Variants in KCNQ5 observed in about 807,000 individuals in gnomAD.
KCNQ5 encodes potassium voltage-gated channel subfamily KQT member 5.
Under a neutral mutation model 98.2 loss-of-function variants are expected in KCNQ5, and 30 were observed. That is an observed-to-expected ratio of 0.31 (90% CI 0.23 to 0.41). The LOEUF (loss-of-function observed/expected upper bound fraction) is 0.41. KCNQ5 is among the 10% of genes least tolerant of loss of function. KCNQ5 has a pLI of 1.00. For synonymous variants in KCNQ5, 458 were observed against 449.4 expected (o/e 1.02, Z -0.24); for missense variants, 835 against 1,182.5 (o/e 0.71, Z 4.31).
chr6:73,160,406 A>T (rs1023740088), intron 10 of KCNQ5, among the ~76,000 whole-genome samples: 4 of 152,156 alleles, frequency 2.6e-5, no homozygotes, highest in African/African-American at 9.7e-5. Flanking sequence ...TCTTTAAAAG[A>T]GAAAGAGGGC....
At chr6:72,737,379 A>G (rs1329489220) in intron 1 of KCNQ5, among the ~76,000 whole-genome samples, 2 of 152,246 alleles carry the variant, frequency 1.3e-5, no homozygotes, top group Non-Finnish European at 2.9e-5. Context: ...ATGTCTAATC[A>G]GCAATCAAAC....
chr6:72,746,007 G>A (rs1771378147), intron 1 of KCNQ5, among the ~76,000 whole-genome samples: 2 of 129,756 alleles, frequency 1.5e-5, no homozygotes, highest in African/African-American at 5.9e-5. Flanking sequence ...TTGAAATTAG[G>A]GTCCACTGTA....
chr6:72,781,930 G>T (rs183118057), intron 1 of KCNQ5, among the ~76,000 whole-genome samples: 158 of 152,256 alleles, frequency 1.0e-3, no homozygotes, highest in Non-Finnish European at 1.6e-3. Flanking sequence ...AAACCCCTGA[G>T]TTTTGACAAC....
intron 1 of KCNQ5, among the ~76,000 whole-genome samples, chr6:72,867,111 T>C (rs1403676069): frequency 1.3e-5 from 2 of 152,224 alleles, no homozygotes; most frequent in Admixed American, 6.5e-5. Flanking sequence ...TGAAGGAAGA[T>C]AGTTTGAAAT....
At chr6:72,685,076 C>T (rs540285607) in intron 1 of KCNQ5, among the ~76,000 whole-genome samples, 1 of 152,112 alleles carries the variant, frequency 6.6e-6, no homozygotes, top group Admixed American at 6.5e-5. Flanking sequence ...GAAAAGGGCC[C>T]TTAAAATGAG....
intron 1 of KCNQ5, among the ~76,000 whole-genome samples, chr6:72,839,957 C>T (rs1178141210): frequency 3.3e-5 from 5 of 152,146 alleles, no homozygotes. Context: ...AAATTTATTT[C>T]TCCTGTCTAA....
At chr6:72,961,785 G>A (rs1767369879) in intron 1 of KCNQ5, among the ~76,000 whole-genome samples, 3 of 152,122 alleles carry the variant, frequency 2.0e-5, no homozygotes, top group Non-Finnish European at 2.9e-5. Context: ...AATTGTGCAT[G>A]TGGAGAAAAG....
chr6:72,878,400 G>A (rs1265186340), intron 1 of KCNQ5, among the ~76,000 whole-genome samples: 2 of 150,934 alleles, frequency 1.3e-5, no homozygotes, highest in East Asian at 3.9e-4. Context: ...TTGGTACTCT[G>A]ATTGTCACAA....
intron 1 of KCNQ5, among the ~76,000 whole-genome samples, chr6:72,854,758 T>TGTGTGTGTGTGTGTGTG (rs1777451483): frequency 1.6e-5 from 2 of 127,108 alleles, no homozygotes; most frequent in African/African-American, 6.0e-5. Context: ...ACACCATGGT[T>TGTGTGTGTGTGTGTGTG]TGTGTGTGTG....
intron 1 of KCNQ5, among the ~76,000 whole-genome samples, chr6:73,001,192 C>T (rs775481413): frequency 1.3e-5 from 2 of 152,108 alleles, no homozygotes; most frequent in Non-Finnish European, 2.9e-5. Context: ...TAAATAGAAT[C>T]CCTCCCCACT....
chr6:72,700,006 T>A (rs1768712991), intron 1 of KCNQ5, among the ~76,000 whole-genome samples: 1 of 152,186 alleles, frequency 6.6e-6, no homozygotes, highest in East Asian at 1.9e-4. Flanking sequence ...TTCAAAGGCT[T>A]GTTTGAGGAT....
At chr6:72,944,331 T>C (rs1448672131) in intron 1 of KCNQ5, among the ~76,000 whole-genome samples, 2 of 152,234 alleles carry the variant, frequency 1.3e-5, no homozygotes, top group Non-Finnish European at 1.5e-5. Context: ...TCACACATTT[T>C]TTGTTTCTAA....
intron 5 of KCNQ5, among the ~76,000 whole-genome samples, chr6:73,083,976 T>C (rs1014706991): frequency 3.3e-5 from 5 of 152,198 alleles, no homozygotes; most frequent in African/African-American, 1.2e-4. Context: ...AATATATTAG[T>C]ACAAAAAGAA....
Position 72,777,544 on chromosome 6 carries a change from C to T in KCNQ5, c.398+154957C>T, listed in dbSNP as rs529504847. On this transcript the variant is annotated intron_variant, in intron 1 of 13. Transcript: ENST00000370398. ...CCCCGAGCTACGTTTACACATTTTT[C>T]CACCTCCACCCTAGGAAGCAGCTCT... Among the ~76,000 whole-genome samples, 4 of 152,252 alleles carry T rather than the reference C, an allele frequency of 2.6e-5. No individual in the cohort carries two copies. The South Asian group carries it at 8.3e-4, about 32-fold the overall frequency.
At chr6:72,855,879 T>A (rs1301145790) in intron 1 of KCNQ5, among the ~76,000 whole-genome samples, 1 of 152,194 alleles carries the variant, frequency 6.6e-6, no homozygotes, top group Non-Finnish European at 1.5e-5. Context: ...TGTCAGTATA[T>A]CTGAATTTAT....
chr6:73,010,659 G>A (rs1770025698), intron 2 of KCNQ5, among the ~76,000 whole-genome samples: 1 of 150,454 alleles, frequency 6.6e-6, no homozygotes. Context: ...AAAAAAGACT[G>A]TAAGAAATAA....
intron 6 of KCNQ5, among the ~76,000 whole-genome samples, chr6:73,109,219 A>AATGTG (rs1430609912): frequency 6.6e-6 from 1 of 152,226 alleles, no homozygotes; most frequent in Admixed American, 6.5e-5. Flanking sequence ...GAGCAATGCC[A>AATGTG]ATGTGATTTT....
chr6:72,622,435 G>A lies in KCNQ5; in HGVS notation c.246G>A (p.Lys82=). 1 of 1,555,664 alleles carries A rather than the reference G, an allele frequency of 6.4e-7. No individual in the cohort carries two copies. Among genetic ancestry groups the A allele is most frequent in the African/African-American group, 1.4e-5 (1 of 72,348 alleles). ...GCCTGAGGGAGAGCCGCCGGGGCAAGCAGGGGGCCCGGATGAGCCTGCTGG... is the reference window on the plus strand; with the variant it reads ...GCCTGAGGGAGAGCCGCCGGGGCAAACAGGGGGCCCGGATGAGCCTGCTGG... ...GGGLRESRRG[K]QGARMSLLGK... Residue 82 remains lysine (K), a synonymous_variant, in exon 1 of 14, where the codon AAG becomes AAA. Transcript: ENST00000370398. The surrounding 1 kb of genome is among the most constrained non-coding windows in gnomAD (Gnocchi z 6.0).
chr6:73,037,673 T>C (rs763734941), intron 2 of KCNQ5, among the ~76,000 whole-genome samples: 15 of 152,290 alleles, frequency 9.8e-5, no homozygotes, highest in South Asian at 4.1e-4. Flanking sequence ...AGCATATTTG[T>C]GTGGGTCTAG....
Sources: allele counts gnomAD v4.1 joint callset (sites outside exome capture counted in the v4.1 genomes callset), GRCh38; gene constraint gnomAD v4.1.1; non-coding constraint Gnocchi (gnomAD v3.1); transcripts MANE v1.5; gene names NCBI Gene and HGNC (gene_info 2026-07-23, HGNC 2026-07-21).